The following GRIA3 variants were observed in gnomAD, a reference collection of about 807,000 sequenced individuals.
GRIA3 encodes the protein glutamate receptor 3.
In GRIA3, 3 loss-of-function variants were observed where a neutral mutation model predicts 63.0. That is an observed-to-expected ratio of 0.05 (90% CI 0.02 to 0.12). The LOEUF is 0.12. Among genes scored for constraint, GRIA3 ranks in the 10% least tolerant of loss-of-function variants. The pLI is 1.00. For synonymous variants in GRIA3, 274 were observed against 257.9 expected (o/e 1.06, Z -0.60); for missense variants, 347 against 700.9 (o/e 0.50, Z 5.70).
At chrX:123,402,054 C>T (rs1027517158) in intron 7 of GRIA3, among the ~76,000 whole-genome samples, 4 of 111,351 alleles carry the variant, frequency 3.6e-5, no homozygotes, top group African/African-American at 1.3e-4. Flanking sequence ...TACATGAAAT[C>T]GGCATTTGGC....
At chrX:123,473,158 T>C (rs927513112) in intron 13 of GRIA3, among the ~76,000 whole-genome samples, 3 of 111,798 alleles carry the variant, frequency 2.7e-5, no homozygotes, top group Non-Finnish European at 5.6e-5. Flanking sequence ...GATAGAAGGA[T>C]TGAAATAAAA....
chrX:123,332,327 T>C (rs2044946841), intron 4 of GRIA3, among the ~76,000 whole-genome samples: 1 of 111,923 alleles, frequency 8.9e-6, no homozygotes, highest in African/African-American at 3.2e-5. Context: ...TAATAACAAA[T>C]ATATATGTAT....
chrX:123,191,750 C>T (rs1386788736), intron 2 of GRIA3, among the ~76,000 whole-genome samples: 1 of 110,989 alleles, frequency 9.0e-6, no homozygotes, highest in Non-Finnish European at 1.9e-5. Context: ...AATACCTTTA[C>T]TCTTGGTCCA....
At chrX:123,223,322 A>G (rs758497938) in intron 2 of GRIA3, among the ~76,000 whole-genome samples, 2 of 112,899 alleles carry the variant, frequency 1.8e-5, no homozygotes, top group Non-Finnish European at 3.7e-5. Flanking sequence ...TTTAACATAC[A>G]AACTGCATTA....
intron 3 of GRIA3, among the ~76,000 whole-genome samples, chrX:123,289,480 T>C (rs1242605261): frequency 9.2e-6 from 1 of 109,265 alleles, no homozygotes. Context: ...GAAATTGCAG[T>C]GACCCACTAC....
chrX:123,227,335 G>A (rs1185175221), intron 2 of GRIA3, among the ~76,000 whole-genome samples: 1 of 111,448 alleles, frequency 9.0e-6, no homozygotes, highest in Non-Finnish European at 1.9e-5. Flanking sequence ...ACTTATTACA[G>A]TACCTAACAG....
rs764670975 is a variant in GRIA3, at chrX:123,326,044, C to A, written c.527C>A (p.Ala176Glu). The change falls in exon 4 of 16, where the codon GCG (alanine) becomes GAG (glutamate). Residue 176 changes from alanine (A) to glutamate (E), a missense_variant. Coordinates refer to ENST00000620443, the MANE Select transcript of GRIA3 (RefSeq NM_007325.5). ...DTERGFSILQ[A>E]IMEAAVQNNW... ...CCTTCAGGATTTTCCATCCTCCAAG[C>A]GATTATGGAAGCAGCAGTGCAAAAC... 2 of 1,206,418 alleles carry A rather than the reference C, an allele frequency of 1.7e-6. No individual in the cohort carries two copies. Among genetic ancestry groups the A allele is most frequent in the Non-Finnish European group, 2.2e-6 (2 of 891,104 alleles).
At chrX:123,414,759 T>C (rs2045527171) in intron 10 of GRIA3, among the ~76,000 whole-genome samples, 1 of 110,942 alleles carries the variant, frequency 9.0e-6, no homozygotes, top group African/African-American at 3.3e-5. Flanking sequence ...ACTCATCCTT[T>C]TTTATGGATG....
chrX:123,379,154 T>C (rs1383280668), intron 5 of GRIA3, among the ~76,000 whole-genome samples: 1 of 110,913 alleles, frequency 9.0e-6, no homozygotes, highest in South Asian at 3.9e-4. Context: ...CCAGCCAACT[T>C]CTCCCCTGAA....
chrX:123,485,685 C>T (rs1376100084), intron 15 of GRIA3, among the ~76,000 whole-genome samples: 4 of 111,883 alleles, frequency 3.6e-5, no homozygotes, highest in Non-Finnish European at 7.5e-5. Flanking sequence ...CAGAAAGAAT[C>T]TTTCTGAAAC....
intron 2 of GRIA3, among the ~76,000 whole-genome samples, chrX:123,211,274 A>G (rs1254349044): frequency 9.0e-6 from 1 of 111,328 alleles, no homozygotes; most frequent in East Asian, 2.8e-4. Context: ...GTTGCCTGAG[A>G]CCCCAGGGCA....
intron 4 of GRIA3, among the ~76,000 whole-genome samples, chrX:123,340,357 C>A (rs2045001122): frequency 8.9e-6 from 1 of 112,777 alleles, no homozygotes; most frequent in Non-Finnish European, 1.9e-5. Context: ...TATCTGCATA[C>A]AGGCAACTGT....
At chrX:123,274,577 G>A (rs1263664188) in intron 3 of GRIA3, among the ~76,000 whole-genome samples, 1 of 112,282 alleles carries the variant, frequency 8.9e-6, no homozygotes, top group African/African-American at 3.2e-5. Context: ...ATACTGTTCT[G>A]TTCTATTTTG....
rs953227161 is a variant in GRIA3 at position 123,489,907 on chromosome X, A to C, written c.*1197A>C. ...TTCTAGTTTGCAAAGACTAAAATGC[A>C]TTCCCAAACCTACTGCTAATCTGAG... is the stretch of plus-strand genomic sequence containing the variant. On this transcript the variant is annotated 3_prime_UTR_variant, in exon 16 of 16. Coordinates refer to ENST00000620443, the MANE Select transcript of GRIA3 (RefSeq NM_007325.5). 8.9e-6 allele frequency: 1 copy of C among 112,200 alleles called. No individual in the cohort carries two copies. Among genetic ancestry groups the C allele is most frequent in the African/African-American group, 3.3e-5 (1 of 30,726 alleles). The allele number at this position is 112,200 out of a possible 1,213,427, so 9.2% of individuals were successfully genotyped here. A position where few individuals can be genotyped will look rare whatever the true frequency, so the allele number is the denominator to read the frequency against.
chrX:123,185,189 G>C (rs955424474), intron 1 of GRIA3, among the ~76,000 whole-genome samples: 13 of 111,659 alleles, frequency 1.2e-4, no homozygotes, highest in Non-Finnish European at 2.3e-4. Context: ...TGGTGGATGG[G>C]GTAGGAGGCG....
At chrX:123,243,200 G>A (rs556727539) in intron 2 of GRIA3, among the ~76,000 whole-genome samples, 7 of 111,797 alleles carry the variant, frequency 6.3e-5, no homozygotes, top group Non-Finnish European at 7.5e-5. Flanking sequence ...CCCTACTTTC[G>A]TTGATGTTCC....
intron 3 of GRIA3, among the ~76,000 whole-genome samples, chrX:123,256,960 G>A (rs2044423210): frequency 9.0e-6 from 1 of 111,101 alleles, no homozygotes; most frequent in African/African-American, 3.3e-5. Flanking sequence ...AGGAGAGGAA[G>A]GCTTCATGGA....
Position 123,241,713 on chromosome X carries a change from G to A in GRIA3, c.269-11590G>A, listed in dbSNP as rs188563618. Among the ~76,000 whole-genome samples the A allele has an allele frequency of 2.3e-4, 25 of 110,220 alleles. 1 individual carries two copies. The East Asian group carries it at 6.9e-3, about 30-fold the overall frequency. The stretch of plus-strand genomic sequence containing the variant: ...ATGGCCAGAGTGGTGAAGAGCCTGG[G>A]ATCTCTGAAGAACAGTTGGCGATAG... On this transcript the variant is annotated intron_variant, in intron 2 of 15. Coordinates refer to ENST00000620443, the MANE Select transcript of GRIA3 (RefSeq NM_007325.5).
intron 2 of GRIA3, among the ~76,000 whole-genome samples, chrX:123,208,167 GCTAAACCTCATTTTGGTGGTT>G (rs2147258749): frequency 8.9e-6 from 1 of 112,617 alleles, no homozygotes; most frequent in East Asian, 2.8e-4. Flanking sequence ...CATTTCCCTT[GCTAAACCTCATTTTGGTGGTT>G]GCATTTTTCT....
Sources: allele counts gnomAD v4.1 joint callset (sites outside exome capture counted in the v4.1 genomes callset), GRCh38; gene constraint gnomAD v4.1.1; transcripts MANE v1.5; gene names NCBI Gene and HGNC (gene_info 2026-07-23, HGNC 2026-07-21).